HOTAIR: variants seen among roughly 807,000 people sequenced by gnomAD.
The protein encoded by HOTAIR is HOX transcript antisense RNA, also known as HOX transcript antisense RNA (non-protein coding).
rs1480310202 is a variant in HOTAIR at position 53,973,325 on chromosome 12, C to A, written n.59+1573G>T. ...CAGATTTCGGCGAGCGAGGGAGCTG[C>A]GCCTCCAACCTCTATCTGCCCAGTT... On this transcript the variant is annotated intron_variant and non_coding_transcript_variant, in intron 1 of 6. Transcript: ENST00000424518. This position sits in a 1 kb window ranked among gnomAD's most constrained non-coding sequence, Gnocchi z 4.3. The A allele has an allele frequency of 1.2e-6, 2 of 1,613,916 alleles. No homozygotes were observed. Among genetic ancestry groups the A allele is most frequent in the African/African-American group, 2.7e-5 (2 of 74,908 alleles).
In HOTAIR at chr12:53,970,901, AG is replaced by A. The variant is rs886071977; in HGVS notation, n.60-2146del. ...TCACCCTGGAGGGCCAGGAGGGGGA[AG>A]GAAGCAGAGCCTTGGGTGGAAGTGG... On this transcript the variant is annotated intron_variant and non_coding_transcript_variant, in intron 1 of 6. Coordinates refer to ENST00000424518, the Ensembl canonical transcript of HOTAIR. 2.5e-4 allele frequency among the ~76,000 whole-genome samples: 38 copies of A among 152,272 alleles called. 1 individual carries two copies. Among genetic ancestry groups the A allele is most frequent in the African/African-American group, 8.9e-4 (37 of 41,558 alleles).
rs750226190 is a variant in HOTAIR, at chr12:53,973,458, G to T, written n.59+1440C>A. 6.2e-7 allele frequency: 1 copy of T among 1,613,900 alleles called. No individual in the cohort carries two copies. Among genetic ancestry groups the T allele is most frequent in the African/African-American group, 1.3e-5 (1 of 74,858 alleles). On this transcript the variant is annotated intron_variant and non_coding_transcript_variant, in intron 1 of 6. Coordinates refer to ENST00000424518, the Ensembl canonical transcript of HOTAIR. This position sits in a 1 kb window ranked among gnomAD's most constrained non-coding sequence, Gnocchi z 4.3. ...GGCCCAAGTGCCCCCGGTCCGGGAGGTCTCCTACGGCCTGGAGCCATCCGG... is the reference window on the plus strand; with the variant it reads ...GGCCCAAGTGCCCCCGGTCCGGGAGTTCTCCTACGGCCTGGAGCCATCCGG...
Position 53,973,487 on chromosome 12 carries a change from G to A in HOTAIR, n.59+1411C>T. 6.2e-7 allele frequency: 1 copy of A among 1,614,072 alleles called. No individual in the cohort carries two copies. The highest frequency in any genetic ancestry group is 8.5e-7 in the Non-Finnish European group (1 of 1,180,020). ...CCTACGGCCTGGAGCCATCCGGCAAGTGGCACCATCGGAACAGCTACTCCT... is the reference window on the plus strand; with the variant it reads ...CCTACGGCCTGGAGCCATCCGGCAAATGGCACCATCGGAACAGCTACTCCT... On this transcript the variant is annotated intron_variant and non_coding_transcript_variant, in intron 1 of 6. Transcript: ENST00000424518. The surrounding 1 kb of genome is among the most constrained non-coding windows in gnomAD (Gnocchi z 4.3).
At chr12:53,974,386 G>C (rs1354737747) in intron 1 of HOTAIR, among the ~76,000 whole-genome samples, 55 of 151,922 alleles carry the variant, frequency 3.6e-4, no homozygotes, top group Non-Finnish European at 1.0e-4. Context: ...GGGGAGAGGT[G>C]GGGGAGAGGA....
chr12:53,973,153 G>A lies in HOTAIR; in HGVS notation n.59+1745C>T. On this transcript the variant is annotated intron_variant and non_coding_transcript_variant, in intron 1 of 6. Coordinates refer to ENST00000424518, the Ensembl canonical transcript of HOTAIR. This position sits in a 1 kb window ranked among gnomAD's most constrained non-coding sequence, Gnocchi z 4.3. ...GCTCAGAGAGAGAGAGACTAAGACG[G>A]ATAACGCGTCATCTCGCCTTCCCAA... The A allele has an allele frequency of 2.1e-6, 2 of 959,608 alleles. No individual in the cohort carries two copies. The highest frequency in any genetic ancestry group is 3.1e-6 in the Non-Finnish European group (2 of 648,780). 59.4% of individuals were successfully genotyped at this position (959,608 alleles called of 1,614,324 possible).
chr12:53,973,868 C>G lies in HOTAIR; in HGVS notation n.59+1030G>C. 6.8e-7 allele frequency: 1 copy of G among 1,470,224 alleles called. No individual in the cohort carries two copies. The highest frequency in any genetic ancestry group is 1.9e-4 in the Middle Eastern group (1 of 5,306). 91.1% of individuals were successfully genotyped at this position (1,470,224 alleles called of 1,614,324 possible). A position where few individuals can be genotyped will look rare whatever the true frequency, so the allele number is the denominator to read the frequency against. On this transcript the variant is annotated intron_variant and non_coding_transcript_variant, in intron 1 of 6. Transcript: ENST00000424518. This position sits in a 1 kb window ranked among gnomAD's most constrained non-coding sequence, Gnocchi z 4.3. ...CTGAGGAGGAGAACACAAATCCCAG[C>G]TCGTCCGGTTCAGCCCACTCCGTGG... is the stretch of plus-strand genomic sequence containing the variant.
intron 5 of HOTAIR, among the ~76,000 whole-genome samples, chr12:53,965,249 C>T (rs971033557): frequency 8.5e-5 from 13 of 152,236 alleles, no homozygotes; most frequent in African/African-American, 3.1e-4. Flanking sequence ...ACTCTGCTCC[C>T]CTCCCCATAG....
intron 2 of HOTAIR, chr12:53,968,303 C>T (rs1489689979): frequency 6.6e-6 from 1 of 152,284 alleles, no homozygotes; most frequent in Non-Finnish European, 1.5e-5. Flanking sequence ...CCCCTGGGGC[C>T]TGCGGGCAGG....
At chr12:53,970,550 A>G (rs138259273) in intron 1 of HOTAIR, among the ~76,000 whole-genome samples, 486 of 151,898 alleles carry the variant, frequency 3.2e-3, no homozygotes, top group African/African-American at 0.011. Flanking sequence ...ACTAAGCCAT[A>G]TCAACACTAG....
Position 53,973,947 on chromosome 12 carries a change from G to C in HOTAIR, n.59+951C>G, listed in dbSNP as rs1052991036. On this transcript the variant is annotated intron_variant and non_coding_transcript_variant, in intron 1 of 6. Transcript: ENST00000424518. This position sits in a 1 kb window ranked among gnomAD's most constrained non-coding sequence, Gnocchi z 4.3. Reference sequence around the variant, plus strand: ...CAGTAGGTAGCAGCGGCCGGGGAACGGGCGGGCAGCGAGGGAGGGAGCGAG... The same window carrying C: ...CAGTAGGTAGCAGCGGCCGGGGAACCGGCGGGCAGCGAGGGAGGGAGCGAG... 1.2e-5 allele frequency: 17 copies of C among 1,434,832 alleles called. No homozygotes were observed. The highest frequency in any genetic ancestry group is 1.5e-5 in the South Asian group (1 of 66,570). 88.9% of individuals were successfully genotyped at this position (1,434,832 alleles called of 1,614,324 possible).
At chr12:53,972,438 T>G (rs2136374717) in intron 1 of HOTAIR, among the ~76,000 whole-genome samples, 1 of 152,312 alleles carries the variant, frequency 6.6e-6, no homozygotes, top group East Asian at 1.9e-4. Context: ...GGCGCACTGC[T>G]CACCACTCGT....
Position 53,973,350 on chromosome 12 carries a change from T to C in HOTAIR, n.59+1548A>G, listed in dbSNP as rs1172662931. On this transcript the variant is annotated intron_variant and non_coding_transcript_variant, in intron 1 of 6. Coordinates refer to ENST00000424518, the Ensembl canonical transcript of HOTAIR. This position sits in a 1 kb window ranked among gnomAD's most constrained non-coding sequence, Gnocchi z 4.3. ...CGCCTCCAACCTCTATCTGCCCAGTTGCACTTACTACATGCCCGAGTTCTC... is the reference window on the plus strand; with the variant it reads ...CGCCTCCAACCTCTATCTGCCCAGTCGCACTTACTACATGCCCGAGTTCTC... The C allele has an allele frequency of 1.2e-6, 2 of 1,612,300 alleles. No individual in the cohort carries two copies.
At chr12:53,972,209 C>T (rs899681677) in intron 1 of HOTAIR, among the ~76,000 whole-genome samples, 4 of 152,212 alleles carry the variant, frequency 2.6e-5, no homozygotes, top group African/African-American at 9.7e-5. Flanking sequence ...AGCCACTAAG[C>T]CAAAGGGCCC....
chr12:53,973,568 C>G lies in HOTAIR; in HGVS notation n.59+1330G>C. 1.2e-6 allele frequency: 2 copies of G among 1,613,144 alleles called. No homozygotes were observed. Among genetic ancestry groups the G allele is most frequent in the Non-Finnish European group, 1.7e-6 (2 of 1,180,010 alleles). ...ACCGGGAGTGCCTGCCTCCTTCCAC[C>G]GTCACCGAGATCCTCATGAAAAACG... On this transcript the variant is annotated intron_variant and non_coding_transcript_variant, in intron 1 of 6. Transcript: ENST00000424518. This position sits in a 1 kb window ranked among gnomAD's most constrained non-coding sequence, Gnocchi z 4.3.
Position 53,973,054 on chromosome 12 carries a change from C to G in HOTAIR, n.59+1844G>C, listed in dbSNP as rs1939174939. Reference sequence around the variant, plus strand: ...AATCGCCTGAACGTCCCCGATCTTACCTAAGAGAGAACCCCTCCTACGTCT... The same window carrying G: ...AATCGCCTGAACGTCCCCGATCTTAGCTAAGAGAGAACCCCTCCTACGTCT... On this transcript the variant is annotated intron_variant and non_coding_transcript_variant, in intron 1 of 6. Coordinates refer to ENST00000424518, the Ensembl canonical transcript of HOTAIR. This position sits in a 1 kb window ranked among gnomAD's most constrained non-coding sequence, Gnocchi z 4.3. 1 of 533,842 alleles carries G rather than the reference C, an allele frequency of 1.9e-6. No homozygotes were observed. Among genetic ancestry groups the G allele is most frequent in the South Asian group, 3.0e-5 (1 of 33,646 alleles). The allele number at this position is 533,842 out of a possible 1,614,324, so 33.1% of individuals were successfully genotyped here.
chr12:53,971,576 G>A (rs1939148751), intron 1 of HOTAIR, among the ~76,000 whole-genome samples: 1 of 152,182 alleles, frequency 6.6e-6, no homozygotes, highest in Non-Finnish European at 1.5e-5. Flanking sequence ...TTTAACTGAG[G>A]GTTATGGATG....
In HOTAIR at chr12:53,973,530, G is replaced by A. The variant is rs1316726236; in HGVS notation, n.59+1368C>T. 1.9e-6 allele frequency: 3 copies of A among 1,613,586 alleles called. No homozygotes were observed. Among genetic ancestry groups the A allele is most frequent in the Non-Finnish European group, 2.5e-6 (3 of 1,179,998 alleles). ...CTACTCCTCCTGCTATGCGGCGGCC[G>A]ACGAGCTTATGCACCGGGAGTGCCT... On this transcript the variant is annotated intron_variant and non_coding_transcript_variant, in intron 1 of 6. Transcript: ENST00000424518. The surrounding 1 kb of genome is among the most constrained non-coding windows in gnomAD (Gnocchi z 4.3).
chr12:53,962,580 T>C (rs1487874849), exon 7 of HOTAIR: 1 of 152,228 alleles, frequency 6.6e-6, no homozygotes, highest in Non-Finnish European at 1.5e-5. Flanking sequence ...ACATACTGTG[T>C]GTGTACTAAA....
chr12:53,966,665 A>C (rs1205870496), intron 3 of HOTAIR: 3 of 152,284 alleles, frequency 2.0e-5, no homozygotes, highest in African/African-American at 7.2e-5. Context: ...AAAGCGCATA[A>C]GGGCCCAGTG....
Sources: allele counts gnomAD v4.1 joint callset (sites outside exome capture counted in the v4.1 genomes callset), GRCh38; gene constraint gnomAD v4.1.1; non-coding constraint Gnocchi (gnomAD v3.1); transcripts MANE v1.5; gene names NCBI Gene and HGNC (gene_info 2026-07-23, HGNC 2026-07-21).